The following ATP6V0A4 variants were observed in gnomAD, a reference collection of about 807,000 sequenced individuals.
The protein encoded by ATP6V0A4 is ATPase H+ transporting V0 subunit a4.
ATP6V0A4 carries 86 observed loss-of-function variants against 107.3 expected under a neutral mutation model. The observed-to-expected ratio is 0.80, with a 90% CI of 0.67 to 0.96. The LOEUF is 0.96. ATP6V0A4 is among the 40% of genes least tolerant of loss of function. The pLI is 0.00. For missense variants in ATP6V0A4, 908 were observed against 1,045.6 expected (o/e 0.87, Z 1.81); for synonymous variants, 353 against 381.4 (o/e 0.93, Z 0.87).
intron 5 of ATP6V0A4, among the ~76,000 whole-genome samples, chr7:138,763,587 C>CA (rs1806937649): frequency 1.3e-5 from 2 of 152,110 alleles, no homozygotes; most frequent in Non-Finnish European, 2.9e-5. Flanking sequence ...GAGATCGTGC[C>CA]ACTGCACTCT....
intron 20 of ATP6V0A4, among the ~76,000 whole-genome samples, chr7:138,711,628 T>G (rs1193612010): frequency 2.0e-5 from 3 of 152,206 alleles, no homozygotes; most frequent in Non-Finnish European, 2.9e-5. Context: ...GTTTTCTGCC[T>G]GCTACAGTGA....
chr7:138,742,071 T>G (rs988649942), intron 14 of ATP6V0A4, among the ~76,000 whole-genome samples: 2 of 152,166 alleles, frequency 1.3e-5, no homozygotes, highest in African/African-American at 4.8e-5. Context: ...ACAATCATAC[T>G]CTATGGGAAA....
intron 10 of ATP6V0A4, among the ~76,000 whole-genome samples, chr7:138,753,580 C>A (rs2117293380): frequency 6.6e-6 from 1 of 152,342 alleles, no homozygotes; most frequent in Middle Eastern, 3.4e-3. Context: ...AATGAATGGA[C>A]AATTGGGCCC....
At chr7:138,797,133 C>T (rs761443200) in intron 1 of ATP6V0A4, among the ~76,000 whole-genome samples, 1 of 151,974 alleles carries the variant, frequency 6.6e-6, no homozygotes, top group Non-Finnish European at 1.5e-5. Flanking sequence ...TGTCCCTCTA[C>T]CTATAATGCC....
chr7:138,778,431 TA>T lies in ATP6V0A4; in HGVS notation c.-17-7168del, dbSNP rs1489483430. On this transcript the variant is annotated intron_variant, in intron 2 of 21. Coordinates refer to ENST00000310018, the MANE Select transcript of ATP6V0A4 (RefSeq NM_020632.3). The stretch of plus-strand genomic sequence containing the variant: ...CCCATCCCCAAGACATCTCATTTTA[TA>T]TATATATATATATATATGCAAATAT... 2.9e-3 allele frequency among the ~76,000 whole-genome samples: 19 copies of T among 6,494 alleles called. No homozygotes were observed. The Non-Finnish European group carries it at 0.056, about 19-fold the overall frequency. 4.3% of individuals were successfully genotyped at this position (6,494 alleles called of 152,430 possible).
In ATP6V0A4 at chr7:138,759,831, C is replaced by A; in HGVS notation, c.560G>T (p.Arg187Leu). 2 of 1,614,104 alleles carry A rather than the reference C, an allele frequency of 1.2e-6. No individual in the cohort carries two copies. The highest frequency in any genetic ancestry group is 1.7e-6 in the Non-Finnish European group (2 of 1,180,012). ...INRERMASFERLLWRICRGNV... is the reference protein window; with the variant it reads ...INRERMASFELLLWRICRGNV... ...TCCTCGGCAGATTCGCCACAGTAACCGCTCAAAGGAAGCCATCCTCTCCCT... is the reference window on the plus strand; with the variant it reads ...TCCTCGGCAGATTCGCCACAGTAACAGCTCAAAGGAAGCCATCCTCTCCCT... The change falls in exon 8 of 22, where the codon CGG becomes CTG. Residue 187 changes from arginine to leucine, a missense_variant. Coordinates refer to ENST00000310018, the MANE Select transcript of ATP6V0A4 (RefSeq NM_020632.3).
At position 138,749,144 on chromosome 7, in the gene ATP6V0A4, C is replaced by T. The variant is rs758888368; in HGVS notation, c.1180+23G>A. ...AGTTTTCACTTTCAAGCTACCCAGTCGTGCAGTTCATCAGATCTTTACCTG... is the reference window on the plus strand; with the variant it reads ...AGTTTTCACTTTCAAGCTACCCAGTTGTGCAGTTCATCAGATCTTTACCTG... On this transcript the variant is annotated intron_variant, in intron 12 of 21. Transcript: ENST00000310018. The T allele has an allele frequency of 3.3e-5, 53 of 1,613,382 alleles. No homozygotes were observed. In the South Asian group the frequency reaches 3.4e-4, roughly 10 times the overall value.
intron 7 of ATP6V0A4, 40 bp downstream of exon 7, chr7:138,762,300 C>T (rs369761764): frequency 1.2e-6 from 2 of 1,607,308 alleles, no homozygotes; most frequent in Non-Finnish European, 1.7e-6. Context: ...AATCACTCGC[C>T]AGGACCAGGG....
At chr7:138,751,351 T>C (rs1463601500) in intron 11 of ATP6V0A4, among the ~76,000 whole-genome samples, 3 of 152,164 alleles carry the variant, frequency 2.0e-5, no homozygotes, top group African/African-American at 7.2e-5. Context: ...CCTTCTCCCC[T>C]GGGCTCTGAA....
intron 2 of ATP6V0A4, among the ~76,000 whole-genome samples, chr7:138,779,727 T>A: frequency 6.6e-6 from 1 of 152,222 alleles, no homozygotes; most frequent in East Asian, 1.9e-4. Context: ...CTTCTCCTGA[T>A]ACCCCATAAC....
At chr7:138,740,850 G>C (rs1272368270) in intron 14 of ATP6V0A4, among the ~76,000 whole-genome samples, 1 of 151,626 alleles carries the variant, frequency 6.6e-6, no homozygotes, top group African/African-American at 2.4e-5. Flanking sequence ...CATTTGAAAT[G>C]ATGAGGAACA....
intron 15 of ATP6V0A4, 34 bp from the exon 16 acceptor site, chr7:138,734,288 A>G: frequency 6.2e-7 from 1 of 1,610,922 alleles, no homozygotes; most frequent in East Asian, 2.2e-5. Flanking sequence ...ACCAAGTGAG[A>G]GAGAGTCTTA....
chr7:138,760,019 G>A (rs532607273), intron 7 of ATP6V0A4, 141 bp from the exon 8 acceptor site: 29 of 1,482,918 alleles, frequency 2.0e-5, no homozygotes, highest in East Asian at 4.8e-5. Context: ...CAGCTCTACC[G>A]ACATGAGTCC....
chr7:138,725,083 C>G (rs925021286), intron 18 of ATP6V0A4, among the ~76,000 whole-genome samples: 1 of 152,100 alleles, frequency 6.6e-6, no homozygotes, highest in Admixed American at 6.6e-5. Context: ...CCAGCTTGGG[C>G]AACATAGCAA....
intron 7 of ATP6V0A4, 26 bp from the exon 8 acceptor site, chr7:138,759,904 C>A: frequency 2.5e-6 from 4 of 1,613,854 alleles, no homozygotes; most frequent in Non-Finnish European, 2.5e-6. Flanking sequence ...GGAAGACATT[C>A]CTTAAGGCAC....
At chr7:138,722,052 T>A in intron 18 of ATP6V0A4, 27 bp from the exon 19 acceptor site, 1 of 1,614,006 alleles carries the variant, frequency 6.2e-7, no homozygotes, top group Non-Finnish European at 8.5e-7. Flanking sequence ...AAATGAGGAA[T>A]GCGCTCAACT....
chr7:138,764,015 C>T (rs73463944), intron 5 of ATP6V0A4, among the ~76,000 whole-genome samples: 2,531 of 147,670 alleles, frequency 0.017, 73 homozygotes, highest in African/African-American at 0.058. Flanking sequence ...CACACACACA[C>T]GTATGTATAT....
At chr7:138,744,148 T>C (rs1805781704) in intron 14 of ATP6V0A4, among the ~76,000 whole-genome samples, 1 of 151,882 alleles carries the variant, frequency 6.6e-6, no homozygotes, top group African/African-American at 2.4e-5. Context: ...TACCCACATA[T>C]CCTTACCAGG....
chr7:138,759,050 C>CTTTTTTT (rs1176578067), intron 8 of ATP6V0A4, among the ~76,000 whole-genome samples: 5 of 91,974 alleles, frequency 5.4e-5, no homozygotes, highest in African/African-American at 2.0e-4. Flanking sequence ...CATGCCCAGC[C>CTTTTTTT]TATTTTTTTT....
Sources: gnomAD v4.1 joint callset for allele counts (sites outside exome capture counted in the v4.1 genomes callset) on GRCh38, gnomAD v4.1.1 for gene constraint, MANE v1.5 for transcripts, NCBI Gene and HGNC (gene_info 2026-07-23, HGNC 2026-07-21) for gene names.